The following MYO7A variants were observed in gnomAD, a reference collection of about 807,000 sequenced individuals.
The protein encoded by MYO7A is myosin VIIA.
In MYO7A, 210 loss-of-function variants were observed where a neutral mutation model predicts 263.8. The ratio of observed to expected loss-of-function variants is 0.80; its 90% CI spans 0.71 to 0.89. MYO7A has a LOEUF of 0.89. Among genes scored for constraint, MYO7A ranks in the 40% least tolerant of loss-of-function variants. The pLI, the probability that MYO7A is intolerant of heterozygous loss-of-function variation, is 0.00. For missense variants in MYO7A, 2,820 were observed against 2,968.3 expected (o/e 0.95, Z 1.16); for synonymous variants, 1,239 against 1,197.3 (o/e 1.03, Z -0.72).
At chr11:77,176,673 C>T (rs1351777899) in intron 18 of MYO7A, among the ~76,000 whole-genome samples, 5 of 152,214 alleles carry the variant, frequency 3.3e-5, no homozygotes, top group African/African-American at 4.8e-5. Flanking sequence ...AGAGGCCAAA[C>T]ATGCTCATTC....
rs186323151 is a variant in MYO7A at position 77,162,724 on chromosome 11, C to T, written c.1555-129C>T. ...TGGGGAAATGGGGTTCCAGAGAGCG[C>T]CTATGTGAGGTAGAAATAAAAGGAG... On this transcript the variant is annotated intron_variant, in intron 13 of 48. Coordinates refer to ENST00000409709, the MANE Select transcript of MYO7A (RefSeq NM_000260.4). 9.4e-3 allele frequency: 11,941 copies of T among 1,269,682 alleles called. 81 individuals carry two copies. The highest frequency in any genetic ancestry group is 0.011 in the Non-Finnish European group (10,076 of 921,580). The allele number at this position is 1,269,682 out of a possible 1,614,324, so 78.7% of individuals were successfully genotyped here.
At chr11:77,194,092 C>A in intron 31 of MYO7A, 1 of 661,208 alleles carries the variant, frequency 1.5e-6, no homozygotes, top group South Asian at 1.5e-5. Context: ...CTTCATGTGC[C>A]CCTGGGCAGA....
chr11:77,156,596 G>T, intron 5 of MYO7A, 64 bp from the exon 6 acceptor site: 1 of 1,601,776 alleles, frequency 6.2e-7, no homozygotes, highest in Non-Finnish European at 8.5e-7. Flanking sequence ...AGCCTGGGCT[G>T]AGTTCCAGTT....
chr11:77,158,160 C>T, intron 8 of MYO7A, 117 bp from the exon 9 acceptor site: 1 of 1,235,268 alleles, frequency 8.1e-7, no homozygotes, highest in Non-Finnish European at 1.1e-6. Context: ...CGCCTGGGGC[C>T]CCGGGCTGGC....
chr11:77,171,033 T>C (rs543742185), intron 15 of MYO7A, among the ~76,000 whole-genome samples: 52 of 152,304 alleles, frequency 3.4e-4, no homozygotes, highest in African/African-American at 1.2e-3. Flanking sequence ...CTGTTACTTG[T>C]GTCATGTAGG....
intron 18 of MYO7A, among the ~76,000 whole-genome samples, chr11:77,177,347 C>A (rs547271140): frequency 6.6e-6 from 1 of 152,176 alleles, no homozygotes; most frequent in African/African-American, 2.4e-5. Context: ...CTGCCTGGAC[C>A]TCTGGGAAAC....
Position 77,138,157 on chromosome 11 carries a change from C to T in MYO7A, c.19-4552C>T, listed in dbSNP as rs1555048375. On this transcript the variant is annotated intron_variant, in intron 2 of 48. Transcript: ENST00000409709. This position sits in a 1 kb window ranked among gnomAD's most constrained non-coding sequence, Gnocchi z 4.9. ...GGAGGGGGCCGGGGTGGCGCGGGCGCCCCCTCGCCGTCCCGCCCGCGGGCG... is the reference window on the plus strand; with the variant it reads ...GGAGGGGGCCGGGGTGGCGCGGGCGTCCCCTCGCCGTCCCGCCCGCGGGCG... Among the ~76,000 whole-genome samples, 7 of 151,994 alleles carry T rather than the reference C, an allele frequency of 4.6e-5. No homozygotes were observed.
rs760784637 is a variant in MYO7A, at chr11:77,205,585, C to T, written c.5604C>T (p.Ile1868=). ...LQSRKHCPLA[I]DCLQRLQKAL... is the part of the protein sequence containing the mutation. ...CCCGAAAGCACTGCCCACTCGCCAT[C>T]GACTGCCTGCAACGGCTCCAGAAAG... is the stretch of plus-strand genomic sequence containing the variant. Residue 1868 remains isoleucine (I), a synonymous_variant, in exon 40 of 49, where the codon ATC becomes ATT. Transcript: ENST00000409709. 8.1e-6 allele frequency: 13 copies of T among 1,613,522 alleles called. No homozygotes were observed. Among genetic ancestry groups the T allele is most frequent in the East Asian group, 4.5e-5 (2 of 44,880 alleles).
chr11:77,211,141 GTC>G lies in MYO7A; in HGVS notation c.6052-7_6052-6del, dbSNP rs776750094. On this transcript the variant is annotated splice_polypyrimidine_tract_variant and intron_variant, in intron 44 of 48. Coordinates refer to ENST00000409709, the MANE Select transcript of MYO7A (RefSeq NM_000260.4). Reference sequence around the variant, plus strand: ...TCCCTGCACGCCTGTGACCTGCTCTGTCTCTGACAGGAGTTGCCCAAGTATCT... The same window carrying G: ...TCCCTGCACGCCTGTGACCTGCTCTGTCTGACAGGAGTTGCCCAAGTATCT... The G allele has an allele frequency of 5.1e-6, 8 of 1,560,918 alleles. No individual in the cohort carries two copies. Among genetic ancestry groups the G allele is most frequent in the Admixed American group, 1.9e-5 (1 of 53,244 alleles).
intron 4 of MYO7A, among the ~76,000 whole-genome samples, chr11:77,149,895 C>A (rs1377430252): frequency 6.6e-6 from 1 of 152,118 alleles, no homozygotes; most frequent in East Asian, 1.9e-4. Flanking sequence ...AGAACTCGAG[C>A]CCAGGGCACC....
intron 36 of MYO7A, 107 bp downstream of exon 36, chr11:77,201,745 T>A (rs1957077961): frequency 1.6e-6 from 2 of 1,264,488 alleles, no homozygotes; most frequent in Admixed American, 2.1e-5. Flanking sequence ...TCTGTGAAGA[T>A]GATCTTGGGA....
chr11:77,152,697 C>G (rs1401888086), intron 4 of MYO7A, among the ~76,000 whole-genome samples: 1 of 151,982 alleles, frequency 6.6e-6, no homozygotes, highest in African/African-American at 2.4e-5. Flanking sequence ...ATGTGCCGTG[C>G]ATGGTGCCAG....
At chr11:77,190,599 G>A (rs1955986805) in intron 29 of MYO7A, 98 bp from the exon 30 acceptor site, 3 of 1,364,140 alleles carry the variant, frequency 2.2e-6, no homozygotes, top group Non-Finnish European at 3.0e-6. Context: ...GGGGTGCTGG[G>A]GCACCTCCAA....
chr11:77,192,596 G>A (rs2135580063), intron 31 of MYO7A, among the ~76,000 whole-genome samples: 1 of 152,274 alleles, frequency 6.6e-6, no homozygotes, highest in African/African-American at 2.4e-5. Context: ...AGTATATCTA[G>A]TAAGCGCTGC....
At chr11:77,142,586 T>C in intron 2 of MYO7A, 123 bp from the exon 3 acceptor site, 1 of 836,926 alleles carries the variant, frequency 1.2e-6, no homozygotes, top group Non-Finnish European at 2.0e-6. Context: ...TGAGTCCCCT[T>C]CTCTTCCCCC....
rs1952790302 is a variant in MYO7A at position 77,159,477 on chromosome 11, A to G, written c.1034A>G (p.Glu345Gly). Residue 345 changes from glutamate (E) to glycine (G), a missense_variant, in exon 10 of 49, where the codon GAG (glutamate) becomes GGG (glycine). Glu to Gly is a moderately conservative substitution (Grantham distance 98). Coordinates refer to ENST00000409709, the MANE Select transcript of MYO7A (RefSeq NM_000260.4). ...ARTFENLDAC[E>G]VLFSPSLATA... Reference sequence around the variant, plus strand: ...ACATTTGAAAACCTGGATGCCTGTGAGGTTCTCTTCTCCCCATCGCTGGCC... The same window carrying G: ...ACATTTGAAAACCTGGATGCCTGTGGGGTTCTCTTCTCCCCATCGCTGGCC... 6.8e-7 allele frequency: 1 copy of G among 1,468,312 alleles called. No individual in the cohort carries two copies. The highest frequency in any genetic ancestry group is 9.2e-7 in the Non-Finnish European group (1 of 1,087,934). 91.0% of individuals were successfully genotyped at this position (1,468,312 alleles called of 1,614,324 possible). A position where few individuals can be genotyped will look rare whatever the true frequency, so the allele number is the denominator to read the frequency against.
intron 27 of MYO7A, among the ~76,000 whole-genome samples, chr11:77,185,372 T>A (rs1955580834): frequency 6.6e-6 from 1 of 152,260 alleles, no homozygotes; most frequent in African/African-American, 2.4e-5. Flanking sequence ...CTTTATCAAT[T>A]AAGTTGATGC....
intron 3 of MYO7A, among the ~76,000 whole-genome samples, 186 bp from the exon 4 acceptor site, chr11:77,147,612 G>A (rs527335993): frequency 2.6e-5 from 4 of 152,240 alleles, no homozygotes; most frequent in South Asian, 2.1e-4. Flanking sequence ...CGGTCCTTGA[G>A]GGGTAGAGGT....
At chr11:77,206,433 G>A (rs535646499) in intron 41 of MYO7A, among the ~76,000 whole-genome samples, 3 of 152,190 alleles carry the variant, frequency 2.0e-5, no homozygotes, top group Admixed American at 6.5e-5. Context: ...TCAGAAGGGC[G>A]CCCCTCCCTC....
Sources: gnomAD v4.1 joint callset for allele counts (sites outside exome capture counted in the v4.1 genomes callset) on GRCh38, gnomAD v4.1.1 for gene constraint, Gnocchi (gnomAD v3.1) non-coding constraint, MANE v1.5 for transcripts, NCBI Gene and HGNC (gene_info 2026-07-23, HGNC 2026-07-21) for gene names.